Variants in MCTP1 observed in about 807,000 individuals in gnomAD.
MCTP1 encodes the protein multiple C2 and transmembrane domain containing 1.
A neutral mutation model predicts 120.6 loss-of-function variants in MCTP1; 69 were observed. The observed-to-expected ratio is 0.57, with a 90% CI of 0.47 to 0.70. MCTP1 has a LOEUF of 0.70. Among genes scored for constraint, MCTP1 ranks in the 30% least tolerant of loss-of-function variants. MCTP1 has a pLI of 0.00. For synonymous variants in MCTP1, 529 were observed against 493.1 expected, an observed-to-expected ratio of 1.07 and a Z score of -0.96; for missense variants, 1,203 against 1,248.8, an observed-to-expected ratio of 0.96 and a Z score of 0.55.
intron 19 of MCTP1, among the ~76,000 whole-genome samples, chr5:94,766,586 C>G (rs536377117): frequency 2.0e-5 from 3 of 151,616 alleles, no homozygotes; most frequent in African/African-American, 7.3e-5. Flanking sequence ...GACGAGTTAA[C>G]GGATGCAGCA....
At chr5:94,962,237 G>T (rs1363991610) in intron 2 of MCTP1, among the ~76,000 whole-genome samples, 1 of 152,062 alleles carries the variant, frequency 6.6e-6, no homozygotes, top group Non-Finnish European at 1.5e-5. Flanking sequence ...ATGGTGTGGA[G>T]ATTCCTTAAA....
chr5:95,187,017 C>CCA (rs1749281130), intron 1 of MCTP1, among the ~76,000 whole-genome samples: 2 of 152,176 alleles, frequency 1.3e-5, no homozygotes, highest in Non-Finnish European at 2.9e-5. Context: ...CAAATTAGTA[C>CCA]AACTACTATG....
At chr5:95,006,200 G>T (rs577244940) in intron 2 of MCTP1, among the ~76,000 whole-genome samples, 2 of 151,898 alleles carry the variant, frequency 1.3e-5, no homozygotes, top group Non-Finnish European at 2.9e-5. Flanking sequence ...GTTATTTGAG[G>T]ACCCGCTATA....
chr5:95,071,280 G>A (rs1462253790), intron 1 of MCTP1, among the ~76,000 whole-genome samples: 6 of 152,184 alleles, frequency 3.9e-5, no homozygotes, highest in South Asian at 4.1e-4. Context: ...CGCTGGCTTC[G>A]TAGTCACTGA....
intron 1 of MCTP1, among the ~76,000 whole-genome samples, chr5:95,244,439 G>A (rs967704811): frequency 4.6e-5 from 7 of 152,202 alleles, no homozygotes; most frequent in African/African-American, 1.7e-4. Context: ...GGGAAGCCGT[G>A]ACAGACTGTA....
intron 18 of MCTP1, among the ~76,000 whole-genome samples, chr5:94,781,599 A>G (rs1271703260): frequency 6.6e-6 from 1 of 152,170 alleles, no homozygotes; most frequent in Admixed American, 6.5e-5. Flanking sequence ...AGGTTGGAGA[A>G]TCTCCACTAT....
chr5:95,113,485 C>A (rs1757599442), intron 1 of MCTP1, among the ~76,000 whole-genome samples: 1 of 152,044 alleles, frequency 6.6e-6, no homozygotes, highest in Non-Finnish European at 1.5e-5. Context: ...TGGGAGCACA[C>A]AGAAATTGTG....
chr5:94,870,739 G>A (rs1158996489), intron 15 of MCTP1, 133 bp downstream of exon 15: 3 of 720,288 alleles, frequency 4.2e-6, no homozygotes, highest in Admixed American at 4.9e-5. Flanking sequence ...GGCAGTGGCA[G>A]AAGCGTATTC....
chr5:94,882,486 T>C (rs886561459), intron 12 of MCTP1, among the ~76,000 whole-genome samples: 4 of 152,110 alleles, frequency 2.6e-5, no homozygotes, highest in African/African-American at 9.7e-5. Context: ...CCTTGATCCG[T>C]TGTTCTAGAA....
chr5:94,733,258 G>A (rs750009553), intron 19 of MCTP1, among the ~76,000 whole-genome samples: 8 of 152,200 alleles, frequency 5.3e-5, no homozygotes, highest in African/African-American at 7.2e-5. Flanking sequence ...AATTATATGA[G>A]GGATGAGGTA....
At chr5:95,155,165 A>G (rs139395665) in intron 1 of MCTP1, among the ~76,000 whole-genome samples, 1 of 152,316 alleles carries the variant, frequency 6.6e-6, no homozygotes, top group African/African-American at 2.4e-5. Context: ...ATCATGCAGT[A>G]TATGTAGAAG....
intron 1 of MCTP1, among the ~76,000 whole-genome samples, chr5:95,059,332 T>C (rs1748290759): frequency 6.6e-6 from 1 of 152,170 alleles, no homozygotes; most frequent in African/African-American, 2.4e-5. Context: ...GTATTGCATG[T>C]TGTCACTTGT....
chr5:94,988,386 C>G (rs949550599), intron 2 of MCTP1, among the ~76,000 whole-genome samples: 2 of 152,022 alleles, frequency 1.3e-5, no homozygotes, highest in Non-Finnish European at 2.9e-5. Context: ...TCAATCTTCC[C>G]TAATATCTCC....
chr5:94,967,722 A>G (rs999874217), intron 2 of MCTP1, among the ~76,000 whole-genome samples: 1 of 152,212 alleles, frequency 6.6e-6, no homozygotes, highest in Non-Finnish European at 1.5e-5. Context: ...ATGATGGCGC[A>G]ATATTTTATA....
At chr5:94,760,008 G>C (rs1181794815) in intron 19 of MCTP1, among the ~76,000 whole-genome samples, 1 of 126,908 alleles carries the variant, frequency 7.9e-6, no homozygotes, top group African/African-American at 3.0e-5. Flanking sequence ...AAATAATCCA[G>C]TTACATTCTC....
In MCTP1 at chr5:95,082,148, G is replaced by C. The variant is rs546617192; in HGVS notation, c.721-64664C>G. On this transcript the variant is annotated intron_variant, in intron 1 of 22. Coordinates refer to ENST00000515393, the MANE Select transcript of MCTP1 (RefSeq NM_024717.7). Reference sequence around the variant, plus strand: ...AAGTAGAGAATGGAAATAGATCTTCGTGCTTTGCTGTTGCTGTTTCCCACA... The same window carrying C: ...AAGTAGAGAATGGAAATAGATCTTCCTGCTTTGCTGTTGCTGTTTCCCACA... Among the ~76,000 whole-genome samples the C allele has an allele frequency of 2.0e-5, 3 of 152,116 alleles. No individual in the cohort carries two copies. The South Asian group carries it at 6.2e-4, about 32-fold the overall frequency.
At chr5:95,048,947 T>C (rs1188162593) in intron 1 of MCTP1, among the ~76,000 whole-genome samples, 3 of 152,286 alleles carry the variant, frequency 2.0e-5, no homozygotes, top group Non-Finnish European at 2.9e-5. Flanking sequence ...ATTCTAGCCA[T>C]TGGAAAAGAG....
At chr5:95,227,880 T>A (rs1754462631) in intron 1 of MCTP1, among the ~76,000 whole-genome samples, 1 of 152,158 alleles carries the variant, frequency 6.6e-6, no homozygotes, top group African/African-American at 2.4e-5. Context: ...TAAAAGCTTA[T>A]TATCTAGTTG....
chr5:94,815,631 C>T (rs185947471), intron 17 of MCTP1, among the ~76,000 whole-genome samples: 78 of 152,328 alleles, frequency 5.1e-4, no homozygotes, highest in Middle Eastern at 3.4e-3. Context: ...CCACATTTCT[C>T]GCTCTAATAA....
Sources: allele counts gnomAD v4.1 joint callset (sites outside exome capture counted in the v4.1 genomes callset), GRCh38; gene constraint gnomAD v4.1.1; transcripts MANE v1.5; gene names NCBI Gene and HGNC (gene_info 2026-07-23, HGNC 2026-07-21).